Variants in PUDP observed in about 807,000 individuals in gnomAD.
PUDP encodes pseudouridine 5'-phosphatase.
PUDP carries 8 observed loss-of-function variants against 9.4 expected under a neutral mutation model. The observed-to-expected ratio is 0.85, with a 90% CI of 0.50 to 1.53. The LOEUF (loss-of-function observed/expected upper bound fraction) is 1.53. Ranked by LOEUF, PUDP falls within the 40% of genes most tolerant of loss-of-function variation. PUDP has a pLI of 0.00. For missense variants in PUDP, 188 were observed against 189.7 expected (o/e 0.99, Z 0.05); for synonymous variants, 99 against 80.7 (o/e 1.23, Z -1.22).
At chrX:6,970,785 T>C (rs1036745933) in intron 3 of PUDP, among the ~76,000 whole-genome samples, 2 of 111,357 alleles carry the variant, frequency 1.8e-5, no homozygotes, top group African/African-American at 6.5e-5. Flanking sequence ...TCAGAACAGC[T>C]GGGTGCAGTG....
intron 3 of PUDP, among the ~76,000 whole-genome samples, chrX:6,935,204 C>A (rs1928277098): frequency 1.9e-5 from 2 of 106,472 alleles, no homozygotes; most frequent in African/African-American, 6.9e-5. Flanking sequence ...CACACCACAC[C>A]TATTCCAAAA....
chrX:6,799,356 C>T (rs963062784), intron 3 of PUDP, among the ~76,000 whole-genome samples: 1 of 111,608 alleles, frequency 9.0e-6, no homozygotes, highest in African/African-American at 3.3e-5. Flanking sequence ...TTAAAATACT[C>T]TTGGCTAAAC....
intron 1 of PUDP, among the ~76,000 whole-genome samples, chrX:6,986,864 C>T (rs1444943739): frequency 1.8e-5 from 2 of 111,962 alleles, no homozygotes; most frequent in African/African-American, 3.3e-5. Flanking sequence ...ATTGGGTTCA[C>T]GTTGCGTTTT....
intron 1 of PUDP, among the ~76,000 whole-genome samples, chrX:6,708,551 G>A (rs1327131353): frequency 8.9e-6 from 1 of 112,023 alleles, no homozygotes; most frequent in African/African-American, 3.2e-5. Flanking sequence ...TGCTAATACC[G>A]CTCACATCAA....
intron 2 of PUDP, among the ~76,000 whole-genome samples, chrX:7,088,181 T>G (rs1931320921): frequency 8.9e-6 from 1 of 112,223 alleles, no homozygotes; most frequent in East Asian, 2.8e-4. Context: ...AAATTTTATT[T>G]AAGGAAAATT....
chrX:7,112,176 T>C (rs1932070144), intron 1 of PUDP, among the ~76,000 whole-genome samples: 1 of 111,572 alleles, frequency 9.0e-6, no homozygotes, highest in African/African-American at 3.3e-5. Context: ...AAATCTGTAC[T>C]GGGCTAGCAT....
chrX:6,791,176 T>G (rs759397361), intron 3 of PUDP, among the ~76,000 whole-genome samples: 1 of 109,493 alleles, frequency 9.1e-6, no homozygotes, highest in East Asian at 2.9e-4. Flanking sequence ...GGCAACATGG[T>G]GAGACCCTGT....
chrX:6,775,632 A>G lies in PUDP; in HGVS notation c.*248-69166T>C, dbSNP rs370672639. Among the ~76,000 whole-genome samples, 54 of 110,519 alleles carry G rather than the reference A, an allele frequency of 4.9e-4. 1 individual carries two copies. Among genetic ancestry groups the G allele is most frequent in the East Asian group, 2.3e-3 (8 of 3,485 alleles). On this transcript the variant is annotated intron_variant and NMD_transcript_variant, in intron 3 of 3. Coordinates refer to the PUDP transcript ENST00000655425. ...AAGTCATACATACGTTGAGATCTCA[A>G]CCCCCAAGATGGAGCTATAAGAGGT...
At chrX:7,024,591 CTTT>C (rs34428928) in intron 1 of PUDP, among the ~76,000 whole-genome samples, 1 of 91,459 alleles carries the variant, frequency 1.1e-5, no homozygotes. Context: ...AGCCTTCTCT[CTTT>C]TTTTTTTTTT....
chrX:6,726,550 T>C (rs926787050), intron 3 of PUDP, among the ~76,000 whole-genome samples: 3 of 112,163 alleles, frequency 2.7e-5, no homozygotes, highest in Non-Finnish European at 3.8e-5. Context: ...CCTATAAATA[T>C]GTACAATTGT....
intron 1 of PUDP, among the ~76,000 whole-genome samples, chrX:7,003,238 T>A (rs1929352630): frequency 9.0e-6 from 1 of 111,357 alleles, no homozygotes; most frequent in South Asian, 3.8e-4. Context: ...TCTATATTGT[T>A]TTCATAGAGG....
At chrX:6,809,772 C>T (rs1398291643) in intron 3 of PUDP, among the ~76,000 whole-genome samples, 1 of 111,326 alleles carries the variant, frequency 9.0e-6, no homozygotes, top group Non-Finnish European at 1.9e-5. Context: ...AACATGTATT[C>T]CAATATGCAA....
chrX:6,900,064 T>C (rs1042681827), intron 3 of PUDP, among the ~76,000 whole-genome samples: 1 of 109,699 alleles, frequency 9.1e-6, no homozygotes, highest in Non-Finnish European at 1.9e-5. Context: ...AATAAAACAA[T>C]ATAGCCTAGC....
intron 3 of PUDP, among the ~76,000 whole-genome samples, chrX:6,903,082 T>C (rs1335444256): frequency 3.6e-5 from 4 of 111,677 alleles, no homozygotes; most frequent in African/African-American, 1.3e-4. Context: ...TTAACTTGAC[T>C]ATAATATTGA....
intron 1 of PUDP, among the ~76,000 whole-genome samples, chrX:7,010,821 T>C (rs1277229081): frequency 1.8e-5 from 2 of 112,003 alleles, no homozygotes; most frequent in African/African-American, 6.5e-5. Context: ...CCGGCCTTCC[T>C]GGCATCCCCT....
At chrX:6,826,357 C>A (rs1452569914) in intron 3 of PUDP, among the ~76,000 whole-genome samples, 1 of 111,702 alleles carries the variant, frequency 9.0e-6, no homozygotes, top group Non-Finnish European at 1.9e-5. Context: ...TAAGTCCTTA[C>A]AGAGGGATTC....
intron 1 of PUDP, among the ~76,000 whole-genome samples, chrX:7,144,059 C>G (rs762186212): frequency 8.9e-6 from 1 of 112,102 alleles, no homozygotes. Context: ...ATTGTGATTA[C>G]GATCTCATTC....
intron 3 of PUDP, among the ~76,000 whole-genome samples, chrX:6,969,890 T>G (rs1165554475): frequency 8.9e-6 from 1 of 112,177 alleles, no homozygotes; most frequent in Non-Finnish European, 1.9e-5. Flanking sequence ...TTGTAAAATT[T>G]TTTGGAAGGT....
intron 1 of PUDP, among the ~76,000 whole-genome samples, chrX:7,107,254 G>A (rs147767132): frequency 1.3e-4 from 14 of 111,986 alleles, no homozygotes; most frequent in Non-Finnish European, 2.1e-4. Flanking sequence ...AAAAGAGCAG[G>A]CGATCTCAAT....
Sources: allele counts gnomAD v4.1 joint callset (sites outside exome capture counted in the v4.1 genomes callset), GRCh38; gene constraint gnomAD v4.1.1; transcripts MANE v1.5; gene names NCBI Gene and HGNC (gene_info 2026-07-23, HGNC 2026-07-21).